Variants in LRMDA observed in about 807,000 individuals in gnomAD.
The protein encoded by LRMDA is leucine-rich melanocyte differentiation-associated protein.
Under a neutral mutation model 29.8 loss-of-function variants are expected in LRMDA, and 18 were observed. That is an observed-to-expected ratio of 0.60 (90% CI 0.42 to 0.90). The LOEUF (loss-of-function observed/expected upper bound fraction) is 0.90, where lower values mean the gene tolerates loss of function less well. LRMDA is among the 40% of genes least tolerant of loss of function. The pLI is 0.00. For synonymous variants in LRMDA, 125 were observed against 109.4 expected, an observed-to-expected ratio of 1.14 and a Z score of -0.89; for missense variants, 273 against 273.9, an observed-to-expected ratio of 1.00 and a Z score of 0.02.
chr10:76,484,345 A>G (rs1437075440), intron 6 of LRMDA, among the ~76,000 whole-genome samples: 1 of 151,894 alleles, frequency 6.6e-6, no homozygotes, highest in Non-Finnish European at 1.5e-5. Flanking sequence ...ACATTTCTCA[A>G]AATCCCAACA....
rs546842537 is a variant in LRMDA at position 75,541,301 on chromosome 10, A to C, written c.131+102807A>C. On this transcript the variant is annotated intron_variant, in intron 2 of 6. Transcript: ENST00000611255. ...CAGCCTAAGCTCAAATATGAAATAT[A>C]TTAAAAGCAAACTAAAAACAGGTCA... 8.5e-5 allele frequency among the ~76,000 whole-genome samples: 13 copies of C among 152,246 alleles called. No individual in the cohort carries two copies. The East Asian group carries it at 9.7e-4, about 11-fold the overall frequency.
At chr10:75,945,709 A>G (rs1846465199) in intron 2 of LRMDA, among the ~76,000 whole-genome samples, 1 of 152,200 alleles carries the variant, frequency 6.6e-6, no homozygotes, top group Admixed American at 6.5e-5. Flanking sequence ...ACGGAAATAT[A>G]TAGATTTTTC....
chr10:75,570,662 G>A (rs979198041), intron 2 of LRMDA, among the ~76,000 whole-genome samples: 7 of 152,174 alleles, frequency 4.6e-5, no homozygotes, highest in African/African-American at 1.4e-4. Context: ...GCTTCAGAGG[G>A]CCAAGGAGCA....
At chr10:76,133,946 G>A (rs1046890633) in intron 5 of LRMDA, among the ~76,000 whole-genome samples, 7 of 152,206 alleles carry the variant, frequency 4.6e-5, no homozygotes, top group Non-Finnish European at 1.0e-4. Context: ...TGTTGCCTCA[G>A]AACTGTCTGG....
chr10:75,852,284 T>C (rs1316692437), intron 2 of LRMDA, among the ~76,000 whole-genome samples: 3 of 152,196 alleles, frequency 2.0e-5, no homozygotes, highest in Non-Finnish European at 4.4e-5. Flanking sequence ...CTGAGGTTCA[T>C]TGTAAAGAGT....
chr10:76,036,025 G>A lies in LRMDA; in HGVS notation c.149G>A (p.Ser50Asn). ...CATTGCAGGTCACTGGAAGGACTGA[G>A]CGCATTCAGGAGCCTGGAGGAACTC... is the stretch of plus-strand genomic sequence containing the variant. The part of the protein sequence containing the change: ...FNLLRSLEGL[S>N]AFRSLEELIL... Residue 50 changes from serine (S) to asparagine (N), a missense_variant, in exon 3 of 7, where the codon AGC becomes AAC. Physicochemically the swap from Ser to Asn is conservative, Grantham distance 46. Transcript: ENST00000611255. 1.9e-6 allele frequency: 3 copies of A among 1,614,124 alleles called. No homozygotes were observed. Among genetic ancestry groups the A allele is most frequent in the Non-Finnish European group, 2.5e-6 (3 of 1,180,016 alleles).
chr10:76,091,693 A>G (rs1293928945), intron 5 of LRMDA, among the ~76,000 whole-genome samples: 1 of 150,480 alleles, frequency 6.6e-6, no homozygotes, highest in Non-Finnish European at 1.5e-5. Context: ...CCAAACTCCC[A>G]CCCCTTCTTT....
chr10:75,949,536 T>C (rs1846536970), intron 2 of LRMDA, among the ~76,000 whole-genome samples: 1 of 152,104 alleles, frequency 6.6e-6, no homozygotes, highest in Non-Finnish European at 1.5e-5. Flanking sequence ...GGGAAGGCCA[T>C]GGGGTATAAT....
rs140271366 is a variant in LRMDA at position 76,379,576 on chromosome 10, A to G, written c.601+55091A>G. Among the ~76,000 whole-genome samples, 470 of 151,644 alleles carry G rather than the reference A, an allele frequency of 3.1e-3. 4 individuals are homozygous for G. Among genetic ancestry groups the G allele is most frequent in the African/African-American group, 0.011 (440 of 41,382 alleles). ...TTTCAATTGTAATGTGTTCTTTATC[A>G]CTTCTGATTGTGCTTATTTGACTTT... On this transcript the variant is annotated intron_variant, in intron 6 of 6. Transcript: ENST00000611255.
rs142248237 is a variant in LRMDA, at chr10:75,529,035, C to G, written c.131+90541C>G. ...AGAGGGGAGAAAAAAGGAGCAGTCTCAGAGGTCCAACATAATTGAAGTTCT... is the reference window on the plus strand; with the variant it reads ...AGAGGGGAGAAAAAAGGAGCAGTCTGAGAGGTCCAACATAATTGAAGTTCT... On this transcript the variant is annotated intron_variant, in intron 2 of 6. Transcript: ENST00000611255. Among the ~76,000 whole-genome samples the G allele has an allele frequency of 6.3e-3, 955 of 152,222 alleles. 13 individuals are homozygous for G. The highest frequency in any genetic ancestry group is 0.021 in the African/African-American group (891 of 41,518).
chr10:75,926,150 T>G (rs1846116704), intron 2 of LRMDA, among the ~76,000 whole-genome samples: 1 of 152,220 alleles, frequency 6.6e-6, no homozygotes, highest in Non-Finnish European at 1.5e-5. Flanking sequence ...AGTCCTGTTG[T>G]GCCTCTATTA....
intron 6 of LRMDA, among the ~76,000 whole-genome samples, chr10:76,426,898 A>G (rs1842132428): frequency 6.6e-6 from 1 of 152,144 alleles, no homozygotes; most frequent in Non-Finnish European, 1.5e-5. Flanking sequence ...AGGTTTGTCA[A>G]AGATCAGAGA....
At chr10:75,640,939 C>T (rs1053634151) in intron 2 of LRMDA, among the ~76,000 whole-genome samples, 1 of 152,172 alleles carries the variant, frequency 6.6e-6, no homozygotes, top group Non-Finnish European at 1.5e-5. Flanking sequence ...TGCCAGCTTC[C>T]GCATTACTTG....
intron 6 of LRMDA, among the ~76,000 whole-genome samples, chr10:76,547,053 G>A (rs1291454994): frequency 1.3e-5 from 2 of 152,000 alleles, no homozygotes; most frequent in Non-Finnish European, 2.9e-5. Context: ...TTGTGGGGAG[G>A]GGGAGCATTA....
At chr10:75,567,261 C>T (rs1267431265) in intron 2 of LRMDA, among the ~76,000 whole-genome samples, 5 of 152,218 alleles carry the variant, frequency 3.3e-5, no homozygotes, top group Non-Finnish European at 4.4e-5. Context: ...AGGCCTTCCA[C>T]ATTCAGGTGC....
intron 5 of LRMDA, among the ~76,000 whole-genome samples, chr10:76,181,990 A>G (rs754578499): frequency 3.3e-5 from 5 of 152,238 alleles, no homozygotes; most frequent in Non-Finnish European, 5.9e-5. Flanking sequence ...TACAGAAGAC[A>G]GTTAATGTCT....
intron 2 of LRMDA, among the ~76,000 whole-genome samples, chr10:75,959,389 C>T (rs756553235): frequency 3.5e-4 from 53 of 152,288 alleles, no homozygotes; most frequent in Non-Finnish European, 6.2e-4. Context: ...GCCTAGCATA[C>T]CACATGTATA....
intron 6 of LRMDA, among the ~76,000 whole-genome samples, chr10:76,491,626 G>T (rs1022656385): frequency 6.6e-6 from 1 of 151,894 alleles, no homozygotes; most frequent in African/African-American, 2.4e-5. Context: ...GCCTTTGGGG[G>T]TTTGATTATT....
intron 5 of LRMDA, among the ~76,000 whole-genome samples, chr10:76,222,452 G>A (rs907759378): frequency 1.3e-5 from 2 of 152,150 alleles, no homozygotes; most frequent in African/African-American, 4.8e-5. Flanking sequence ...ATCAAAAAGT[G>A]GGTGAAGGAC....
Sources: allele counts gnomAD v4.1 joint callset (sites outside exome capture counted in the v4.1 genomes callset), GRCh38; gene constraint gnomAD v4.1.1; transcripts MANE v1.5; gene names NCBI Gene and HGNC (gene_info 2026-07-23, HGNC 2026-07-21).